NLRP1: variants seen among roughly 807,000 people sequenced by gnomAD.
NLRP1 encodes the protein NLR family pyrin domain containing 1, also known as NACHT, LRR and PYD domains-containing protein 1.
In NLRP1, 94 loss-of-function variants were observed where a neutral mutation model predicts 136.7. The ratio of observed to expected loss-of-function variants is 0.69; its 90% CI spans 0.58 to 0.82. The LOEUF (loss-of-function observed/expected upper bound fraction) is 0.82, where lower values mean the gene tolerates loss of function less well. Ranked by LOEUF, NLRP1 falls within the 40% of genes least tolerant of loss-of-function variation. The probability of loss-of-function intolerance (pLI) is 0.00; values close to 1 mark genes in which losing one functional copy is unlikely to be tolerated. For missense variants in NLRP1, 1,575 were observed against 1,802.7 expected (o/e 0.87, Z 2.29); for synonymous variants, 690 against 725.1 (o/e 0.95, Z 0.78).
chr17:5,538,781 C>A (rs184523497), intron 7 of NLRP1, among the ~76,000 whole-genome samples: 81 of 152,258 alleles, frequency 5.3e-4, no homozygotes, highest in Admixed American at 2.5e-3. Flanking sequence ...GTGAGGGGAA[C>A]CTGAGCGTCC....
chr17:5,524,775 G>A (rs1017124865), intron 12 of NLRP1, among the ~76,000 whole-genome samples: 8 of 152,184 alleles, frequency 5.3e-5, no homozygotes, highest in Admixed American at 3.3e-4. Context: ...ACTAACAGAC[G>A]CTCGGTGCCA....
chr17:5,566,093 T>C (rs543514232), intron 3 of NLRP1, among the ~76,000 whole-genome samples: 8 of 152,146 alleles, frequency 5.3e-5, no homozygotes, highest in South Asian at 2.1e-4. Context: ...TGGCTAAAGG[T>C]TTGTCGATTT....
chr17:5,583,480 G>A lies in NLRP1; in HGVS notation c.271+207C>T, dbSNP rs871928. ...GCACTTGAATAGAAGAGGGTGTGGG[G>A]CTCTGAGGTGCAGCAAGGGCCCCCC... On this transcript the variant is annotated intron_variant, in intron 1 of 16. Transcript: ENST00000572272. The surrounding 1 kb of genome is among the most constrained non-coding windows in gnomAD (Gnocchi z 4.5). Among the ~76,000 whole-genome samples the A allele has an allele frequency of 0.17, 25,834 of 152,038 alleles. 3,449 individuals are homozygous for A. Among genetic ancestry groups the A allele is most frequent in the East Asian group, 0.67 (3,452 of 5,146 alleles).
rs1438037809 is a variant in NLRP1, at chr17:5,514,965, T to C, written c.4211A>G (p.His1404Arg). Residue 1404 changes from histidine (H) to arginine (R), a missense_variant, in exon 17 of 17, where the codon CAT (histidine) becomes CGT (arginine). Physicochemically the swap from His to Arg is conservative, Grantham distance 29 (BLOSUM62 0). Coordinates refer to ENST00000572272, the MANE Select transcript of NLRP1 (RefSeq NM_033004.4). ...CTGCTCCTGGCTCAGCACCTGTCCA[T>C]GCAGTTTGTCCAAGACAACCTCCAC... ...TSVEVVLDKL[H>R]GQVLSQEQYE... 6.8e-6 allele frequency: 11 copies of C among 1,614,212 alleles called. No homozygotes were observed. The highest frequency in any genetic ancestry group is 2.2e-5 in the South Asian group (2 of 91,086).
At chr17:5,505,379 G>T (rs1907282797) in intron 15 of NLRP1, 2 of 152,444 alleles carry the variant, frequency 1.3e-5, no homozygotes, top group Non-Finnish European at 2.9e-5. Flanking sequence ...CAGAGAAGGG[G>T]AGGCTGAGTA....
intron 8 of NLRP1, among the ~76,000 whole-genome samples, chr17:5,535,294 G>A (rs1241187319): frequency 6.6e-6 from 1 of 152,146 alleles, no homozygotes; most frequent in Non-Finnish European, 1.5e-5. Flanking sequence ...TGGGGCCTGA[G>A]AATTTGCAGT....
At chr17:5,561,032 T>C (rs1389177434) in intron 3 of NLRP1, among the ~76,000 whole-genome samples, 1 of 152,218 alleles carries the variant, frequency 6.6e-6, no homozygotes, top group African/African-American at 2.4e-5. Context: ...GCCTCTCCCT[T>C]CTCTCCTTAG....
At chr17:5,536,568 A>G (rs1388526338) in intron 8 of NLRP1, among the ~76,000 whole-genome samples, 2 of 149,614 alleles carry the variant, frequency 1.3e-5, no homozygotes, top group East Asian at 4.0e-4. Flanking sequence ...CTCATGCCTC[A>G]GCCTCTTGAG....
chr17:5,543,519 A>G (rs1912144692), intron 5 of NLRP1, among the ~76,000 whole-genome samples: 1 of 152,114 alleles, frequency 6.6e-6, no homozygotes. Context: ...TGTGGCAGTG[A>G]TGAGCCCATG....
In NLRP1 at chr17:5,504,609, G is replaced by A. The variant is rs1343509593; in HGVS notation, c.4070-2737C>T. Reference sequence around the variant, plus strand: ...CACACCAGCCTGGGTGATAGACTGAGACTCTGTCTCAAAAAAATTAGAATA... The same window carrying A: ...CACACCAGCCTGGGTGATAGACTGAAACTCTGTCTCAAAAAAATTAGAATA... On this transcript the variant is annotated intron_variant, in intron 15 of 15. Coordinates refer to the NLRP1 transcript ENST00000262467. The surrounding 1 kb of genome is among the most constrained non-coding windows in gnomAD (Gnocchi z 4.4). The A allele has an allele frequency of 1.4e-5, 2 of 147,220 alleles. No individual in the cohort carries two copies. Among genetic ancestry groups the A allele is most frequent in the Non-Finnish European group, 3.0e-5 (2 of 67,052 alleles). The allele number at this position is 147,220 out of a possible 1,614,324, so 9.1% of individuals were successfully genotyped here.
At chr17:5,553,307 A>G in intron 5 of NLRP1, 79 bp downstream of exon 5, 1 of 1,316,082 alleles carries the variant, frequency 7.6e-7, no homozygotes, top group East Asian at 2.4e-5. Flanking sequence ...ACAAAGACAA[A>G]TCCCTCAGCC....
intron 6 of NLRP1, 76 bp from the exon 7 acceptor site, chr17:5,539,661 C>T: frequency 7.0e-7 from 1 of 1,431,560 alleles, no homozygotes; most frequent in Non-Finnish European, 9.2e-7. Flanking sequence ...GTCTGATCTT[C>T]CTTCTCAGCA....
At chr17:5,519,346 A>G (rs1449334878) in intron 14 of NLRP1, among the ~76,000 whole-genome samples, 2 of 150,710 alleles carry the variant, frequency 1.3e-5, no homozygotes, top group African/African-American at 4.9e-5. Context: ...GGGTTTTGCC[A>G]TCTTGGCCAG....
Position 5,514,455 on chromosome 17 carries a change from A to C in NLRP1, c.*299T>G. On this transcript the variant is annotated 3_prime_UTR_variant, in exon 17 of 17. Transcript: ENST00000572272. ...CTATTCCTCTTTGCGCCTGGATGGG[A>C]TCCGGAGGGCTCTAGGCTTGGCTGC... is the stretch of plus-strand genomic sequence containing the variant. 1 of 1,242,266 alleles carries C rather than the reference A, an allele frequency of 8.0e-7. No individual in the cohort carries two copies. Among genetic ancestry groups the C allele is most frequent in the Non-Finnish European group, 1.0e-6 (1 of 981,134 alleles). The allele number at this position is 1,242,266 out of a possible 1,614,324, so 77.0% of individuals were successfully genotyped here.
chr17:5,557,102 C>T (rs912657084), intron 4 of NLRP1, among the ~76,000 whole-genome samples: 22 of 152,168 alleles, frequency 1.4e-4, no homozygotes, highest in Admixed American at 5.2e-4. Context: ...CTCCCAGATT[C>T]AAGTGATTCT....
intron 3 of NLRP1, among the ~76,000 whole-genome samples, chr17:5,560,750 A>C (rs1597461817): frequency 6.6e-6 from 1 of 151,986 alleles, no homozygotes. Flanking sequence ...TCCATAATCT[A>C]CCTTTCCTGG....
intron 3 of NLRP1, among the ~76,000 whole-genome samples, chr17:5,580,842 T>G (rs1003006748): frequency 6.6e-6 from 1 of 152,256 alleles, no homozygotes; most frequent in African/African-American, 2.4e-5. Flanking sequence ...CTTAAAGTAT[T>G]AGAATCTTCC....
At chr17:5,544,032 CTTTAAA>C in intron 5 of NLRP1, among the ~76,000 whole-genome samples, 1 of 152,170 alleles carries the variant, frequency 6.6e-6, no homozygotes, top group Non-Finnish European at 1.5e-5. Context: ...ATAATTTTGT[CTTTAAA>C]TTTGTGTTTT....
At chr17:5,509,576 C>T (rs1174907241), downstream of NLRP1, among the ~76,000 whole-genome samples, 3 of 152,144 alleles carry the variant, frequency 2.0e-5, no homozygotes, top group East Asian at 1.9e-4. Flanking sequence ...ATGATTCTTC[C>T]GTTTTTCTGA....
Sources: allele counts gnomAD v4.1 joint callset (sites outside exome capture counted in the v4.1 genomes callset), GRCh38; gene constraint gnomAD v4.1.1; non-coding constraint Gnocchi (gnomAD v3.1); transcripts MANE v1.5; gene names NCBI Gene and HGNC (gene_info 2026-07-23, HGNC 2026-07-21).